CORO2B: variants seen among roughly 807,000 people sequenced by gnomAD.
CORO2B encodes the protein coronin-2B.
In CORO2B, 26 loss-of-function variants were observed where a neutral mutation model predicts 58.8. The ratio of observed to expected loss-of-function variants is 0.44; its 90% CI spans 0.32 to 0.61. CORO2B has a LOEUF of 0.61. Among genes scored for constraint, CORO2B ranks in the 20% least tolerant of loss-of-function variants. The pLI is 0.04. For synonymous variants in CORO2B, 242 were observed against 253.8 expected (o/e 0.95, Z 0.44); for missense variants, 460 against 645.1 (o/e 0.71, Z 3.11).
chr15:68,602,681 C>A (rs1411668157), intron 1 of CORO2B, among the ~76,000 whole-genome samples: 1 of 151,658 alleles, frequency 6.6e-6, no homozygotes, highest in African/African-American at 2.4e-5. Flanking sequence ...ATTGCCCCCC[C>A]TTGAGGTAGG....
At chr15:68,551,019 T>C in the CORO2B span, among the ~76,000 whole-genome samples, 5 of 151,464 alleles carry the variant, frequency 3.3e-5, no homozygotes, top group Non-Finnish European at 7.4e-5. Context: ...ATGACCAGCT[T>C]TTCGCAGCAC....
chr15:68,592,965 T>C (rs757073575), intron 1 of CORO2B, among the ~76,000 whole-genome samples: 6 of 152,214 alleles, frequency 3.9e-5, no homozygotes, highest in Non-Finnish European at 8.8e-5. Flanking sequence ...AACAGAAGTT[T>C]ATTTGGCTCA....
At chr15:68,542,772 TG>T in the CORO2B span, among the ~76,000 whole-genome samples, 1 of 152,282 alleles carries the variant, frequency 6.6e-6, no homozygotes, top group African/African-American at 2.4e-5. Flanking sequence ...GCAAGTCATA[TG>T]GCTTCACTTA....
the CORO2B span, among the ~76,000 whole-genome samples, chr15:68,543,988 G>C: frequency 2.0e-5 from 3 of 152,174 alleles, no homozygotes; most frequent in African/African-American, 7.2e-5. Context: ...GACCAGTCAC[G>C]TGTTTCTCTG....
chr15:68,660,240 T>C (rs1901970009), intron 2 of CORO2B, among the ~76,000 whole-genome samples: 2 of 152,216 alleles, frequency 1.3e-5, no homozygotes, highest in Non-Finnish European at 2.9e-5. Flanking sequence ...TAATGTCAAT[T>C]TGTTTGCTGG....
intron 1 of CORO2B, among the ~76,000 whole-genome samples, chr15:68,580,144 G>A (rs951601400): frequency 6.6e-6 from 1 of 152,238 alleles, no homozygotes; most frequent in South Asian, 2.1e-4. Context: ...CTGTGAGGGT[G>A]ATAATATGGG....
the CORO2B span, among the ~76,000 whole-genome samples, chr15:68,545,190 G>A: frequency 1.3e-5 from 2 of 152,226 alleles, no homozygotes; most frequent in Non-Finnish European, 2.9e-5. Flanking sequence ...AAAACTGGGA[G>A]ATGGTAGATT....
At chr15:68,642,193 T>C (rs1342560030) in intron 1 of CORO2B, among the ~76,000 whole-genome samples, 1 of 152,074 alleles carries the variant, frequency 6.6e-6, no homozygotes, top group Non-Finnish European at 1.5e-5. Flanking sequence ...CCTGCCACCA[T>C]GCCTGCTATC....
At chr15:68,668,499 C>T (rs369470457) in intron 2 of CORO2B, among the ~76,000 whole-genome samples, 6 of 152,144 alleles carry the variant, frequency 3.9e-5, no homozygotes, top group African/African-American at 1.2e-4. Context: ...TAAGACAGTC[C>T]GAAGGACCTC....
intron 5 of CORO2B, among the ~76,000 whole-genome samples, chr15:68,712,923 A>ATGC (rs1892953756): frequency 6.6e-6 from 1 of 152,168 alleles, no homozygotes. Flanking sequence ...TGGGGCCATG[A>ATGC]GCCCAGGGAA....
At position 68,609,195 on chromosome 15, in the gene CORO2B, G is replaced by A. The variant is rs1900191074; in HGVS notation, c.15+29918G>A. Among the ~76,000 whole-genome samples the A allele has an allele frequency of 2.0e-5, 3 of 152,200 alleles. No individual in the cohort carries two copies. The South Asian group carries it at 6.2e-4, about 32-fold the overall frequency. ...GGGAAAAGGATTGCAGGTGACAAGA[G>A]CAACATGAGCATGGGGCATTGTGGT... On this transcript the variant is annotated intron_variant, in intron 1 of 11. Transcript: ENST00000261861.
chr15:68,693,624 T>C (rs1013226332), intron 2 of CORO2B, among the ~76,000 whole-genome samples: 8 of 152,144 alleles, frequency 5.3e-5, no homozygotes, highest in Non-Finnish European at 4.4e-5. Context: ...CCGCTAAACA[T>C]GGAACAGCTC....
At chr15:68,631,054 T>C (rs977092754) in intron 1 of CORO2B, among the ~76,000 whole-genome samples, 2 of 152,134 alleles carry the variant, frequency 1.3e-5, no homozygotes, top group African/African-American at 4.8e-5. Context: ...CCCGTGGTGG[T>C]GCAGGGCGGT....
intron 2 of CORO2B, among the ~76,000 whole-genome samples, chr15:68,648,387 C>T (rs1901524736): frequency 1.3e-5 from 2 of 151,414 alleles, no homozygotes; most frequent in African/African-American, 4.9e-5. Context: ...TGGCTCACGC[C>T]TGTAATCCCA....
At chr15:68,633,539 A>ACACACACACT (rs1566990648) in intron 1 of CORO2B, among the ~76,000 whole-genome samples, 1 of 151,828 alleles carries the variant, frequency 6.6e-6, no homozygotes, top group Non-Finnish European at 1.5e-5. Flanking sequence ...ACACACACAC[A>ACACACACACT]CACACACTCA....
At chr15:68,520,917 C>T in the CORO2B span, among the ~76,000 whole-genome samples, 414 of 152,180 alleles carry the variant, frequency 2.7e-3, 3 homozygotes, top group African/African-American at 9.5e-3. Context: ...GCCATGATGG[C>T]GTGCACCTGT....
At chr15:68,561,694 CTG>C in the CORO2B span, among the ~76,000 whole-genome samples, 2 of 152,202 alleles carry the variant, frequency 1.3e-5, no homozygotes, top group South Asian at 4.1e-4. Context: ...TTTGTTGTGA[CTG>C]TGCTCTGTCT....
chr15:68,636,121 A>G (rs931149043), intron 1 of CORO2B, among the ~76,000 whole-genome samples: 2 of 152,184 alleles, frequency 1.3e-5, no homozygotes, highest in African/African-American at 4.8e-5. Flanking sequence ...TATTTTAAGG[A>G]TGCAGGATAT....
chr15:68,717,766 G>A (rs1352835), intron 8 of CORO2B, among the ~76,000 whole-genome samples: 126,057 of 152,218 alleles, frequency 0.83, 55,361 homozygotes, highest in Non-Finnish European at 0.96. Context: ...TCCAGCTCCT[G>A]GAATTCCTTT....
Sources: allele counts gnomAD v4.1 joint callset (sites outside exome capture counted in the v4.1 genomes callset), GRCh38; gene constraint gnomAD v4.1.1; transcripts MANE v1.5; gene names NCBI Gene and HGNC (gene_info 2026-07-23, HGNC 2026-07-21).